The following CLEC1A variants were observed in gnomAD, a reference collection of about 807,000 sequenced individuals.
CLEC1A encodes C-type lectin domain family 1 member A, also known as C-type lectin-like receptor-1.
Under a neutral mutation model 28.7 loss-of-function variants are expected in CLEC1A, and 34 were observed. The observed-to-expected ratio is 1.18, with a 90% CI of 0.90 to 1.57. CLEC1A has a LOEUF of 1.57. CLEC1A is among the 40% of genes most tolerant of loss of function. The pLI is 0.00. For synonymous variants in CLEC1A, 116 were observed against 121.0 expected (o/e 0.96, Z 0.27); for missense variants, 385 against 339.5 (o/e 1.13, Z -1.05).
At chr12:10,079,346 C>T (rs1258903657) in intron 3 of CLEC1A, among the ~76,000 whole-genome samples, 2 of 152,146 alleles carry the variant, frequency 1.3e-5, no homozygotes, top group African/African-American at 4.8e-5. Flanking sequence ...TGAGAACTGA[C>T]ATCTAACCAA....
chr12:10,097,900 ACTG>A (rs1947798698), intron 1 of CLEC1A, among the ~76,000 whole-genome samples: 2 of 13,774 alleles, frequency 1.5e-4, no homozygotes, highest in Non-Finnish European at 1.4e-3. Context: ...TTAACAGCTT[ACTG>A]GGTAGTTTAG....
Position 10,090,079 on chromosome 12 carries a change from A to C in CLEC1A, c.116-857T>G, listed in dbSNP as rs138865820. 9.8e-3 allele frequency among the ~76,000 whole-genome samples: 1,492 copies of C among 152,264 alleles called. 14 individuals carry two copies. Among genetic ancestry groups the C allele is most frequent in the Non-Finnish European group, 0.013 (906 of 67,990 alleles). ...GGAAGAGTCTCAGTCAGGTGCAGGT[A>C]GCATCTAGCACTGTGATAAAAATGA... On this transcript the variant is annotated intron_variant, in intron 1 of 5. Coordinates refer to ENST00000315330, the MANE Select transcript of CLEC1A (RefSeq NM_016511.4).
intron 3 of CLEC1A, among the ~76,000 whole-genome samples, chr12:10,080,760 T>C (rs1185892054): frequency 6.6e-6 from 1 of 152,204 alleles, no homozygotes; most frequent in East Asian, 1.9e-4. Context: ...TCATCTGTGG[T>C]CCTTATTAAA....
At position 10,069,758 on chromosome 12, in the gene CLEC1A, G is replaced by A. The variant is rs1241306635; in HGVS notation, c.*1575C>T. On this transcript the variant is annotated 3_prime_UTR_variant, in exon 6 of 6. Coordinates refer to ENST00000315330, the MANE Select transcript of CLEC1A (RefSeq NM_016511.4). ...CACAATATATCAACAGAACTTGCTC[G>A]ACCCTGAAGAAAATTTTAAGGAAAT... 2.0e-5 allele frequency: 3 copies of A among 152,188 alleles called. No individual in the cohort carries two copies. Among genetic ancestry groups the A allele is most frequent in the East Asian group, 1.9e-4 (1 of 5,186 alleles). 9.4% of individuals were successfully genotyped at this position (152,188 alleles called of 1,614,324 possible).
chr12:10,074,038 C>T (rs543347290), intron 4 of CLEC1A, among the ~76,000 whole-genome samples: 1 of 152,262 alleles, frequency 6.6e-6, no homozygotes, highest in Admixed American at 6.5e-5. Flanking sequence ...TAGTCTCACT[C>T]TGCACTCCTA....
At chr12:10,089,303 T>C in intron 1 of CLEC1A, 81 bp from the exon 2 acceptor site, 2 of 1,135,568 alleles carry the variant, frequency 1.8e-6, no homozygotes, top group Non-Finnish European at 2.6e-6. Context: ...GGGAGTGGAG[T>C]TAATTCTGCA....
chr12:10,075,434 T>A (rs1866229447), intron 4 of CLEC1A, 70 bp downstream of exon 4: 2 of 1,506,892 alleles, frequency 1.3e-6, no homozygotes, highest in Admixed American at 3.6e-5. Context: ...ATCCTTAGAG[T>A]CTTCTTGCCT....
At chr12:10,094,306 T>G (rs1205291460) in intron 1 of CLEC1A, among the ~76,000 whole-genome samples, 1 of 152,044 alleles carries the variant, frequency 6.6e-6, no homozygotes, top group Non-Finnish European at 1.5e-5. Flanking sequence ...TATTATCTCA[T>G]TTTACAGGTA....
chr12:10,079,577 T>A (rs1027023362), intron 3 of CLEC1A, among the ~76,000 whole-genome samples: 1 of 152,046 alleles, frequency 6.6e-6, no homozygotes, highest in Admixed American at 6.5e-5. Context: ...ATCCCAGCAG[T>A]TGGGAGGCTG....
intron 5 of CLEC1A, among the ~76,000 whole-genome samples, chr12:10,071,900 G>A (rs1008420921): frequency 5.3e-5 from 8 of 152,192 alleles, no homozygotes; most frequent in African/African-American, 1.9e-4. Flanking sequence ...GGGAAGAATG[G>A]TGTCTGTTCA....
chr12:10,074,160 A>G (rs905269330), intron 4 of CLEC1A, among the ~76,000 whole-genome samples: 2 of 152,070 alleles, frequency 1.3e-5, no homozygotes, highest in Non-Finnish European at 2.9e-5. Context: ...GGCTCAGTGC[A>G]CTCCTAATAT....
chr12:10,080,037 G>A (rs773068420), intron 3 of CLEC1A, among the ~76,000 whole-genome samples: 6 of 152,004 alleles, frequency 3.9e-5, no homozygotes, highest in Non-Finnish European at 8.8e-5. Context: ...TGCTGGGCAC[G>A]GTAGTTTACG....
intron 3 of CLEC1A, 77 bp from the exon 4 acceptor site, chr12:10,075,732 G>A (rs1866238921): frequency 2.4e-6 from 3 of 1,271,746 alleles, no homozygotes; most frequent in South Asian, 1.4e-5. Flanking sequence ...TATAGTATTT[G>A]ATGTCCTAAG....
chr12:10,095,094 C>T (rs1272364179), intron 1 of CLEC1A, among the ~76,000 whole-genome samples: 1 of 152,124 alleles, frequency 6.6e-6, no homozygotes, highest in Non-Finnish European at 1.5e-5. Flanking sequence ...AGAGGCTCCT[C>T]TAGTACATCC....
intron 1 of CLEC1A, among the ~76,000 whole-genome samples, chr12:10,089,449 T>C (rs545773082): frequency 5.2e-4 from 79 of 152,170 alleles, no homozygotes; most frequent in African/African-American, 1.8e-3. Flanking sequence ...CCCGTTTGTA[T>C]CCACCCCTCA....
At chr12:10,073,263 C>A in intron 5 of CLEC1A, 30 bp downstream of exon 5, 1 of 1,505,000 alleles carries the variant, frequency 6.6e-7, no homozygotes, top group Non-Finnish European at 9.2e-7. Flanking sequence ...TTGTTAAATG[C>A]CTTTCCCATA....
At chr12:10,073,463 A>G (rs1452036537) in intron 4 of CLEC1A, 52 bp from the exon 5 acceptor site, 1 of 1,342,236 alleles carries the variant, frequency 7.5e-7, no homozygotes, top group Non-Finnish European at 1.1e-6. Flanking sequence ...GATTACTCAC[A>G]TGTACAGACA....
Position 10,085,881 on chromosome 12 carries a change from T to C in CLEC1A, c.214+3243A>G, listed in dbSNP as rs572885032. ...CATTCCATCCAACAACTGCAGAGTA[T>C]GCATTCTTTTTATGAGCACATGTAA... On this transcript the variant is annotated intron_variant, in intron 2 of 5. Coordinates refer to ENST00000315330, the MANE Select transcript of CLEC1A (RefSeq NM_016511.4). Among the ~76,000 whole-genome samples the C allele has an allele frequency of 2.0e-4, 30 of 152,320 alleles. No individual in the cohort carries two copies. The South Asian group carries it at 5.6e-3, about 28-fold the overall frequency.
chr12:10,088,436 A>T (rs984008520), intron 2 of CLEC1A, among the ~76,000 whole-genome samples: 1 of 8,364 alleles, frequency 1.2e-4, no homozygotes, highest in Non-Finnish European at 4.3e-4. Flanking sequence ...ATAACTGTTC[A>T]AAGAACAGTT....
Sources: gnomAD v4.1 joint callset for allele counts (sites outside exome capture counted in the v4.1 genomes callset) on GRCh38, gnomAD v4.1.1 for gene constraint, MANE v1.5 for transcripts, NCBI Gene and HGNC (gene_info 2026-07-23, HGNC 2026-07-21) for gene names.